Variants in DGAT1 observed in about 807,000 individuals in gnomAD.
The protein encoded by DGAT1 is diacylglycerol O-acyltransferase 1, also known as ACAT related gene product 1.
In DGAT1, 60 loss-of-function variants were observed where a neutral mutation model predicts 72.6. The observed-to-expected ratio is 0.83, with a 90% CI of 0.67 to 1.02. DGAT1 has a LOEUF of 1.02. Ranked by LOEUF, DGAT1 falls within the 50% of genes least tolerant of loss-of-function variation. The pLI, the probability that DGAT1 is intolerant of heterozygous loss-of-function variation, is 0.00. For missense variants in DGAT1, 592 were observed against 670.0 expected, an observed-to-expected ratio of 0.88 and a Z score of 1.29; for synonymous variants, 290 against 267.5, an observed-to-expected ratio of 1.08 and a Z score of -0.82.
At position 144,316,094 on chromosome 8, in the gene DGAT1, T is replaced by G. The variant is rs1817205632; in HGVS notation, c.*460A>C. The G allele has an allele frequency of 3.9e-6, 1 of 254,582 alleles. No individual in the cohort carries two copies. The highest frequency in any genetic ancestry group is 6.4e-6 in the Non-Finnish European group (1 of 156,112). The allele number at this position is 254,582 out of a possible 1,614,324, so 15.8% of individuals were successfully genotyped here. A position where few individuals can be genotyped will look rare whatever the true frequency, so the allele number is the denominator to read the frequency against. ...GGAGAGGACGCCTGAGCTGAGCTTT[T>G]CTAGGTAGGGGAGTGTGGGGAATGG... On this transcript the variant is annotated 3_prime_UTR_variant, in exon 17 of 17. Transcript: ENST00000528718.
chr8:144,319,156 C>G (rs1817370086), intron 2 of DGAT1, 88 bp from the exon 3 acceptor site: 13 of 1,483,642 alleles, frequency 8.8e-6, no homozygotes, highest in Non-Finnish European at 1.2e-5. Flanking sequence ...CTGGGCACGT[C>G]CCAGCCCGAG....
Position 144,318,492 on chromosome 8 carries a change from A to AGCC in DGAT1, c.540_542dup (p.Ala181dup), listed in dbSNP as rs781942618. ...TGATAGACTCAACCAGTAAGACCAC[A>AGCC]GCCGCTGGGAAACACAGAATGGTGG... is the stretch of plus-strand genomic sequence containing the variant. On this transcript the variant is annotated inframe_insertion, in exon 6 of 17. Transcript: ENST00000528718. 27 of 1,611,532 alleles carry AGCC rather than the reference A, an allele frequency of 1.7e-5. No homozygotes were observed. The East Asian group carries it at 4.5e-4, about 27-fold the overall frequency.
rs1554846895 is a variant in DGAT1, at chr8:144,316,000, G to T, written c.*554C>A. On this transcript the variant is annotated 3_prime_UTR_variant, in exon 17 of 17. Transcript: ENST00000528718. ...CCCAAGCTGAAGCTGAGCACGGTGG[G>T]TGCAAGTTGACCATCCTGCACTGAG... The T allele has an allele frequency of 4.2e-6, 4 of 950,896 alleles. No homozygotes were observed. In the African/African-American group the frequency reaches 7.1e-5, roughly 17 times the overall value. The allele number at this position is 950,896 out of a possible 1,614,324, so 58.9% of individuals were successfully genotyped here.
intron 1 of DGAT1, among the ~76,000 whole-genome samples, chr8:144,323,128 C>T (rs1817503672): frequency 6.6e-6 from 1 of 152,200 alleles, no homozygotes; most frequent in Non-Finnish European, 1.5e-5. Flanking sequence ...CAGGGTTGGC[C>T]TTCTTGTACC....
At position 144,315,040 on chromosome 8, in the gene DGAT1, A is replaced by AC; in HGVS notation, c.*1513dup. The AC allele has an allele frequency of 1.0e-6, 1 of 985,504 alleles. No individual in the cohort carries two copies. The allele number at this position is 985,504 out of a possible 1,614,324, so 61.0% of individuals were successfully genotyped here. On this transcript the variant is annotated 3_prime_UTR_variant, in exon 17 of 17. Transcript: ENST00000528718. ...ACACTGTCTTTCTGCCAGAGCCAGCACCCTGTGTAGGCACGGGGAACGGGA... is the reference window on the plus strand; with the variant it reads ...ACACTGTCTTTCTGCCAGAGCCAGCACCCCTGTGTAGGCACGGGGAACGGGA...
At position 144,321,876 on chromosome 8, in the gene DGAT1, G is replaced by A. The variant is rs144269803; in HGVS notation, c.201-468C>T. Among the ~76,000 whole-genome samples, 20 of 152,344 alleles carry A rather than the reference G, an allele frequency of 1.3e-4. No homozygotes were observed. In the East Asian group the frequency reaches 1.5e-3, roughly 12 times the overall value. ...ATTCAGTTGGCCCATCCCAGCACCCGGGAGCTAAGGGGTCCCCACACTTGG... is the reference window on the plus strand; with the variant it reads ...ATTCAGTTGGCCCATCCCAGCACCCAGGAGCTAAGGGGTCCCCACACTTGG... On this transcript the variant is annotated intron_variant, in intron 1 of 16. Transcript: ENST00000528718.
In DGAT1 at chr8:144,315,514, G is replaced by A; in HGVS notation, c.*1040C>T. On this transcript the variant is annotated 3_prime_UTR_variant, in exon 17 of 17. Transcript: ENST00000528718. ...GGACACCAGGGCCTGGTCCAGTCTT[G>A]GGGTCTTTAATCAAGCAGTCACCCC... is the stretch of plus-strand genomic sequence containing the variant. The A allele has an allele frequency of 1.0e-6, 1 of 985,618 alleles. No individual in the cohort carries two copies. Among genetic ancestry groups the A allele is most frequent in the Non-Finnish European group, 1.2e-6 (1 of 830,094 alleles). 61.1% of individuals were successfully genotyped at this position (985,618 alleles called of 1,614,324 possible).
chr8:144,315,229 A>C lies in DGAT1; in HGVS notation c.*1325T>G. On this transcript the variant is annotated 3_prime_UTR_variant, in exon 17 of 17. Coordinates refer to ENST00000528718, the MANE Select transcript of DGAT1 (RefSeq NM_012079.6). Reference sequence around the variant, plus strand: ...GGAGAGGCACAGGAGCCCATGTGGGATGGAGGAGTCGGCCCCACACCCATC... The same window carrying C: ...GGAGAGGCACAGGAGCCCATGTGGGCTGGAGGAGTCGGCCCCACACCCATC... 1 of 985,494 alleles carries C rather than the reference A, an allele frequency of 1.0e-6. No individual in the cohort carries two copies. The highest frequency in any genetic ancestry group is 1.2e-6 in the Non-Finnish European group (1 of 829,986). 61.0% of individuals were successfully genotyped at this position (985,494 alleles called of 1,614,324 possible).
rs1371391428 is a variant in DGAT1 at position 144,319,288 on chromosome 8, C to T, written c.289-220G>A. On this transcript the variant is annotated intron_variant, in intron 2 of 16. Coordinates refer to ENST00000528718, the MANE Select transcript of DGAT1 (RefSeq NM_012079.6). Reference sequence around the variant, plus strand: ...GGTAAGGGGAAGTCCCTCCCTGTCCCCATCACACCAGACGGTCCCACATGG... The same window carrying T: ...GGTAAGGGGAAGTCCCTCCCTGTCCTCATCACACCAGACGGTCCCACATGG... Among the ~76,000 whole-genome samples the T allele has an allele frequency of 3.9e-5, 6 of 152,332 alleles. No individual in the cohort carries two copies. The South Asian group carries it at 8.3e-4, about 21-fold the overall frequency.
In DGAT1 at chr8:144,316,851, A is replaced by G. The variant is rs782518859; in HGVS notation, c.1311+2T>C. ...TGAGGAGGCCACGTGGGGGTCACTC[A>G]CCTGAGCCATCATGCCCGTGAACGC... On this transcript the variant is annotated splice_donor_variant, in intron 16 of 16. Coordinates refer to ENST00000528718, the MANE Select transcript of DGAT1 (RefSeq NM_012079.6). LOFTEE classifies it high-confidence loss of function. 8.1e-6 allele frequency: 13 copies of G among 1,608,970 alleles called. No individual in the cohort carries two copies. Among genetic ancestry groups the G allele is most frequent in the South Asian group, 2.2e-5 (2 of 90,430 alleles).
Position 144,318,015 on chromosome 8 carries a change from G to C in DGAT1, c.754C>G (p.Leu252Val). The C allele has an allele frequency of 6.6e-7, 1 of 1,517,938 alleles. No individual in the cohort carries two copies. The highest frequency in any genetic ancestry group is 8.8e-7 in the Non-Finnish European group (1 of 1,134,866). The allele number at this position is 1,517,938 out of a possible 1,614,324, so 94.0% of individuals were successfully genotyped here. Residue 252 changes from leucine to valine, a missense_variant and splice_region_variant, in exon 9 of 17, where the codon CTC becomes GTC. Coordinates refer to ENST00000528718, the MANE Select transcript of DGAT1 (RefSeq NM_012079.6). ...SYPDNLTYRD[L>V]YYFLFAPTLC... is the part of the protein sequence containing the mutation. ...GTGGGGGCGAAGAGGAAGTAGTAGA[G>C]ATCTGGAATGGGAATGGGGGGTTGG...
At position 144,315,827 on chromosome 8, in the gene DGAT1, T is replaced by G. The variant is rs543719837; in HGVS notation, c.*727A>C. On this transcript the variant is annotated 3_prime_UTR_variant, in exon 17 of 17. Coordinates refer to ENST00000528718, the MANE Select transcript of DGAT1 (RefSeq NM_012079.6). The stretch of plus-strand genomic sequence containing the variant: ...GGAAAGAGGCTGCCAAACCGAGCCC[T>G]GCCCCAAGGCGAATAGCCATGGACA... 182 of 984,110 alleles carry G rather than the reference T, an allele frequency of 1.8e-4. 1 individual carries two copies. In the South Asian group the frequency reaches 7.8e-3, roughly 42 times the overall value. The allele number at this position is 984,110 out of a possible 1,614,324, so 61.0% of individuals were successfully genotyped here.
Position 144,314,759 on chromosome 8 carries a change from G to A in DGAT1, c.*1795C>T, listed in dbSNP as rs568937675. The stretch of plus-strand genomic sequence containing the variant: ...TGTTTCCTCTGTCCCAGGGTGGTGC[G>A]GTGGGTGGTGCTGCAATGAGGAGGG... On this transcript the variant is annotated 3_prime_UTR_variant, in exon 17 of 17. Transcript: ENST00000528718. 3.7e-4 allele frequency: 94 copies of A among 252,706 alleles called. No individual in the cohort carries two copies. Among genetic ancestry groups the A allele is most frequent in the African/African-American group, 1.7e-3 (75 of 44,212 alleles). The allele number at this position is 252,706 out of a possible 1,614,324, so 15.7% of individuals were successfully genotyped here.
At chr8:144,323,837 G>C (rs1247147030) in intron 1 of DGAT1, among the ~76,000 whole-genome samples, 1 of 152,226 alleles carries the variant, frequency 6.6e-6, no homozygotes, top group Non-Finnish European at 1.5e-5. Context: ...GGCCCACACA[G>C]TGCAGCTCCA....
intron 1 of DGAT1, among the ~76,000 whole-genome samples, chr8:144,323,799 C>T (rs1817524061): frequency 1.3e-5 from 2 of 152,244 alleles, no homozygotes; most frequent in South Asian, 4.1e-4. Context: ...TGCCCAAAGG[C>T]ACAGGTCCCA....
At chr8:144,324,729 G>A (rs554986050) in intron 1 of DGAT1, among the ~76,000 whole-genome samples, 2 of 152,174 alleles carry the variant, frequency 1.3e-5, no homozygotes, top group African/African-American at 4.8e-5. Flanking sequence ...CCCAGGTGGC[G>A]GCTTGGCCCA....
chr8:144,321,406 C>T lies in DGAT1; in HGVS notation c.203G>A (p.Cys68Tyr). ...GVGSGHWELR[C>Y]HRLQDSLFSS... ...GAATAAAGAATCCTGCAGGCGATGG[C>T]ACCTGACAGAGCACAACACAAGCAC... Residue 68 changes from cysteine to tyrosine, a missense_variant and splice_region_variant, in exon 2 of 17, where the codon TGC becomes TAC. Coordinates refer to ENST00000528718, the MANE Select transcript of DGAT1 (RefSeq NM_012079.6). The T allele has an allele frequency of 2.5e-6, 4 of 1,613,744 alleles. No homozygotes were observed. The South Asian group carries it at 3.3e-5, about 13-fold the overall frequency.
intron 2 of DGAT1, 97 bp from the exon 3 acceptor site, chr8:144,319,165 A>C: frequency 6.9e-7 from 1 of 1,440,774 alleles, no homozygotes; most frequent in Non-Finnish European, 9.5e-7. Context: ...TCCCAGCCCG[A>C]GCTCAGGGCG....
rs1817218673 is a variant in DGAT1, at chr8:144,316,318, TCGGACC to T, written c.*230_*235del. 2 of 575,812 alleles carry T rather than the reference TCGGACC, an allele frequency of 3.5e-6. No individual in the cohort carries two copies. The highest frequency in any genetic ancestry group is 6.0e-6 in the Non-Finnish European group (2 of 332,898). 35.7% of individuals were successfully genotyped at this position (575,812 alleles called of 1,614,324 possible). A position where few individuals can be genotyped will look rare whatever the true frequency, so the allele number is the denominator to read the frequency against. On this transcript the variant is annotated 3_prime_UTR_variant, in exon 17 of 17. Transcript: ENST00000528718. Reference sequence around the variant, plus strand: ...ACTGGACAGCACTTTATTGACACCCTCGGACCCGGGGCAGGGTCAGCAAGACTCCCA... The same window carrying T: ...ACTGGACAGCACTTTATTGACACCCTCGGGGCAGGGTCAGCAAGACTCCCA...
Sources: gnomAD v4.1 joint callset for allele counts (sites outside exome capture counted in the v4.1 genomes callset) on GRCh38, gnomAD v4.1.1 for gene constraint, MANE v1.5 for transcripts, NCBI Gene and HGNC (gene_info 2026-07-23, HGNC 2026-07-21) for gene names.